The following MGAT4C variants were observed in gnomAD, a reference collection of about 807,000 sequenced individuals.
The protein encoded by MGAT4C is alpha-1,3-mannosyl-glycoprotein 4-beta-N-acetylglucosaminyltransferase C.
A neutral mutation model predicts 40.1 loss-of-function variants in MGAT4C; 19 were observed. The ratio of observed to expected loss-of-function variants is 0.47; its 90% CI spans 0.33 to 0.70. The LOEUF is 0.70. Ranked by LOEUF, MGAT4C falls within the 30% of genes least tolerant of loss-of-function variation. The pLI is 0.02. For synonymous variants in MGAT4C, 181 were observed against 187.1 expected, an observed-to-expected ratio of 0.97 and a Z score of 0.27; for missense variants, 491 against 563.2, an observed-to-expected ratio of 0.87 and a Z score of 1.30.
intron 1 of MGAT4C, among the ~76,000 whole-genome samples, chr12:86,234,968 T>C (rs1951471362): frequency 6.6e-6 from 1 of 152,120 alleles, no homozygotes; most frequent in African/African-American, 2.4e-5. Flanking sequence ...GTCTCCTTAC[T>C]TGGGCTCTCT....
intron 1 of MGAT4C, among the ~76,000 whole-genome samples, chr12:86,797,970 C>T (rs1299692812): frequency 6.6e-6 from 1 of 151,902 alleles, no homozygotes; most frequent in African/African-American, 2.4e-5. Flanking sequence ...ATAATCATGT[C>T]ATTAACTTGT....
chr12:86,775,468 C>T (rs549262046), intron 1 of MGAT4C, among the ~76,000 whole-genome samples: 1 of 150,828 alleles, frequency 6.6e-6, no homozygotes, highest in African/African-American at 2.4e-5. Flanking sequence ...ATTATGCTTG[C>T]TGAGTATCCA....
At chr12:86,368,265 T>A (rs1955645391) in intron 3 of MGAT4C, among the ~76,000 whole-genome samples, 1 of 152,158 alleles carries the variant, frequency 6.6e-6, no homozygotes, top group South Asian at 2.1e-4. Flanking sequence ...AAGAAATGCC[T>A]GTCTAGCTAG....
chr12:86,034,271 T>G (rs1490956830), intron 2 of MGAT4C, among the ~76,000 whole-genome samples: 2 of 149,800 alleles, frequency 1.3e-5, no homozygotes, highest in African/African-American at 2.4e-5. Flanking sequence ...CCTCCTAGAA[T>G]GAGTTAGGAA....
chr12:86,134,331 T>C (rs1235230860), intron 1 of MGAT4C, among the ~76,000 whole-genome samples: 1 of 152,162 alleles, frequency 6.6e-6, no homozygotes, highest in Non-Finnish European at 1.5e-5. Flanking sequence ...ACTATCTATA[T>C]TCACTTCAAA....
chr12:86,661,284 A>G (rs975955478), intron 2 of MGAT4C, among the ~76,000 whole-genome samples: 1 of 152,072 alleles, frequency 6.6e-6, no homozygotes, highest in African/African-American at 2.4e-5. Flanking sequence ...AAAGTAAAAT[A>G]AAAAAGAAAT....
chr12:86,675,281 C>T (rs941346869), intron 2 of MGAT4C, among the ~76,000 whole-genome samples: 3 of 152,164 alleles, frequency 2.0e-5, no homozygotes, highest in Admixed American at 2.0e-4. Flanking sequence ...TTCTAGAAGA[C>T]TACTCTCTCT....
intron 1 of MGAT4C, among the ~76,000 whole-genome samples, chr12:86,813,528 T>C (rs1203136114): frequency 1.3e-5 from 2 of 151,810 alleles, no homozygotes; most frequent in Non-Finnish European, 2.9e-5. Context: ...ATATGCAATG[T>C]ATATGTGTTT....
At position 85,965,152 on chromosome 12, in the gene MGAT4C, G is replaced by A. The variant is rs1883290976; in HGVS notation, c.*14137C>T. Reference sequence around the variant, plus strand: ...ATTTTTATTATACTTTAAGTTTTAGGGTACATGTGCATAACGTGCAGGTTT... The same window carrying A: ...ATTTTTATTATACTTTAAGTTTTAGAGTACATGTGCATAACGTGCAGGTTT... On this transcript the variant is annotated 3_prime_UTR_variant, in exon 5 of 5. Transcript: ENST00000611864. 1 of 151,890 alleles carries A rather than the reference G, an allele frequency of 6.6e-6. No homozygotes were observed. Among genetic ancestry groups the A allele is most frequent in the Non-Finnish European group, 1.5e-5 (1 of 67,954 alleles). 9.4% of individuals were successfully genotyped at this position (151,890 alleles called of 1,614,324 possible).
intron 1 of MGAT4C, among the ~76,000 whole-genome samples, chr12:86,249,071 A>C (rs1364202357): frequency 6.6e-6 from 1 of 152,160 alleles, no homozygotes; most frequent in African/African-American, 2.4e-5. Context: ...ATAATTTAAA[A>C]AATAAGTGCA....
chr12:86,140,450 T>C (rs1593051267), intron 1 of MGAT4C, among the ~76,000 whole-genome samples: 1 of 151,944 alleles, frequency 6.6e-6, no homozygotes, highest in Admixed American at 6.6e-5. Flanking sequence ...TAAGTGAGAA[T>C]TGAACAATGG....
At chr12:86,208,467 C>A (rs951613972) in intron 1 of MGAT4C, among the ~76,000 whole-genome samples, 1 of 151,994 alleles carries the variant, frequency 6.6e-6, no homozygotes, top group African/African-American at 2.4e-5. Flanking sequence ...ACTGTCTCAA[C>A]AACAACAACA....
chr12:86,055,670 T>C (rs1445690687), intron 1 of MGAT4C, among the ~76,000 whole-genome samples: 1 of 152,072 alleles, frequency 6.6e-6, no homozygotes, highest in Admixed American at 6.6e-5. Context: ...CACATGTTAA[T>C]ATAATATTAC....
chr12:86,100,551 T>A (rs916457462), intron 1 of MGAT4C, among the ~76,000 whole-genome samples: 17 of 151,550 alleles, frequency 1.1e-4, no homozygotes, highest in Admixed American at 4.0e-4. Flanking sequence ...ATTTGTTAAT[T>A]AAAAAAATAT....
intron 4 of MGAT4C, among the ~76,000 whole-genome samples, 172 bp from the exon 5 acceptor site, chr12:85,980,602 G>A (rs1252776345): frequency 6.6e-6 from 1 of 151,870 alleles, no homozygotes; most frequent in Non-Finnish European, 1.5e-5. Flanking sequence ...ATATATAAAG[G>A]CTGTAAGTGC....
At chr12:86,422,559 A>C (rs1043269790) in intron 3 of MGAT4C, among the ~76,000 whole-genome samples, 4 of 152,190 alleles carry the variant, frequency 2.6e-5, no homozygotes, top group Admixed American at 2.6e-4. Flanking sequence ...TCTTATGGCC[A>C]ACATGCAACT....
At chr12:86,573,092 T>C (rs1960433386) in intron 2 of MGAT4C, among the ~76,000 whole-genome samples, 1 of 152,054 alleles carries the variant, frequency 6.6e-6, no homozygotes, top group Non-Finnish European at 1.5e-5. Context: ...GGCAGTCACC[T>C]GTTACTTCGA....
chr12:86,244,749 A>G (rs1951950887), intron 1 of MGAT4C, among the ~76,000 whole-genome samples: 1 of 152,196 alleles, frequency 6.6e-6, no homozygotes. Flanking sequence ...CTAGGAAGAA[A>G]CCCCAAACAC....
At chr12:86,374,446 A>G (rs2136214203) in intron 3 of MGAT4C, among the ~76,000 whole-genome samples, 1 of 152,254 alleles carries the variant, frequency 6.6e-6, no homozygotes, top group East Asian at 1.9e-4. Context: ...GAGACTTTGC[A>G]ATCACTGAAG....
Sources: allele counts gnomAD v4.1 joint callset (sites outside exome capture counted in the v4.1 genomes callset), GRCh38; gene constraint gnomAD v4.1.1; transcripts MANE v1.5; gene names NCBI Gene and HGNC (gene_info 2026-07-23, HGNC 2026-07-21).